DIS3L2: variants seen among roughly 807,000 people sequenced by gnomAD.
DIS3L2 encodes DIS3-like exonuclease 2.
DIS3L2 carries 34 observed loss-of-function variants against 97.5 expected under a neutral mutation model. That is an observed-to-expected ratio of 0.35 (90% CI 0.27 to 0.46). The LOEUF (loss-of-function observed/expected upper bound fraction) is 0.46, where lower values mean the gene tolerates loss of function less well. Ranked by LOEUF, DIS3L2 falls within the 20% of genes least tolerant of loss-of-function variation. The pLI is 1.00. For synonymous variants in DIS3L2, 435 were observed against 445.2 expected, an observed-to-expected ratio of 0.98 and a Z score of 0.29; for missense variants, 1,038 against 1,146.0, an observed-to-expected ratio of 0.91 and a Z score of 1.36.
chr2:232,026,131 A>G (rs1559551975), intron 4 of DIS3L2, among the ~76,000 whole-genome samples: 1 of 152,124 alleles, frequency 6.6e-6, no homozygotes, highest in Non-Finnish European at 1.5e-5. Context: ...TTAAATCCCT[A>G]TTGGGTTGGC....
intron 7 of DIS3L2, 136 bp downstream of exon 7, chr2:232,130,855 G>A: frequency 1.6e-6 from 2 of 1,230,560 alleles, no homozygotes. Flanking sequence ...CATAAAAAGT[G>A]AATTAAAAAA....
chr2:232,316,484 G>A (rs1575014221), intron 14 of DIS3L2, among the ~76,000 whole-genome samples: 1 of 152,086 alleles, frequency 6.6e-6, no homozygotes, highest in Non-Finnish European at 1.5e-5. Flanking sequence ...CGGAGAACCT[G>A]TAGCACCCTC....
At chr2:232,125,228 A>G (rs1263562214) in intron 6 of DIS3L2, among the ~76,000 whole-genome samples, 1 of 152,250 alleles carries the variant, frequency 6.6e-6, no homozygotes, top group East Asian at 1.9e-4. Flanking sequence ...ACTGCTTGCC[A>G]GCAGTCATGA....
intron 12 of DIS3L2, among the ~76,000 whole-genome samples, chr2:232,261,011 A>C (rs1437420414): frequency 2.0e-5 from 3 of 152,180 alleles, no homozygotes; most frequent in Non-Finnish European, 4.4e-5. Context: ...TCTACTCTTG[A>C]CTGGTGCTCC....
At chr2:232,299,623 T>C (rs1694807441) in intron 13 of DIS3L2, among the ~76,000 whole-genome samples, 1 of 143,908 alleles carries the variant, frequency 6.9e-6, no homozygotes, top group Admixed American at 7.3e-5. Context: ...AACATGGGGA[T>C]TTTTTTCTTG....
intron 13 of DIS3L2, chr2:232,343,294 A>G: frequency 2.0e-6 from 3 of 1,494,456 alleles, no homozygotes; most frequent in Non-Finnish European, 2.7e-6. Context: ...GCAAAGGCCT[A>G]GCCACATGAA....
rs1694151098 is a variant in DIS3L2 at position 232,276,707 on chromosome 2, G to A, written c.1659+13267G>A. On this transcript the variant is annotated intron_variant, in intron 13 of 20. Transcript: ENST00000325385. The surrounding 1 kb of genome is among the most constrained non-coding windows in gnomAD (Gnocchi z 4.4). ...TAGTGATCAAGAGCATGGACCCTGGGTCAGACTGCCTGGGTTCTGATCCCG... is the reference window on the plus strand; with the variant it reads ...TAGTGATCAAGAGCATGGACCCTGGATCAGACTGCCTGGGTTCTGATCCCG... 6.6e-6 allele frequency among the ~76,000 whole-genome samples: 1 copy of A among 152,198 alleles called. No homozygotes were observed. The highest frequency in any genetic ancestry group is 6.5e-5 in the Admixed American group (1 of 15,280).
intron 14 of DIS3L2, among the ~76,000 whole-genome samples, chr2:232,323,671 C>T (rs536373081): frequency 1.3e-5 from 2 of 152,296 alleles, no homozygotes; most frequent in African/African-American, 4.8e-5. Flanking sequence ...TTCATGGGAA[C>T]GTCCAATGCA....
chr2:232,007,366 TC>T (rs1447425110), intron 1 of DIS3L2, among the ~76,000 whole-genome samples: 2 of 152,144 alleles, frequency 1.3e-5, no homozygotes, highest in Admixed American at 6.5e-5. Context: ...GGTTGATACT[TC>T]CGCTCTCAGT....
intron 11 of DIS3L2, among the ~76,000 whole-genome samples, chr2:232,240,554 C>A (rs1693052501): frequency 6.6e-6 from 1 of 152,234 alleles, no homozygotes; most frequent in Non-Finnish European, 1.5e-5. Flanking sequence ...GTGTCCTCAT[C>A]TGAGCAGGGG....
At chr2:232,216,952 C>T (rs1692357303) in intron 10 of DIS3L2, among the ~76,000 whole-genome samples, 2 of 151,412 alleles carry the variant, frequency 1.3e-5, no homozygotes, top group Non-Finnish European at 1.5e-5. Context: ...AAGTGATTCT[C>T]CTTCCTCAGC....
Position 232,000,640 on chromosome 2 carries a change from TTCCTTTCCTTTCCTTTCCTTTCTCTTTC to T in DIS3L2, c.-93-14192_-93-14165del, listed in dbSNP as rs1449556617. On this transcript the variant is annotated intron_variant, in intron 1 of 20. Coordinates refer to ENST00000325385, the MANE Select transcript of DIS3L2 (RefSeq NM_152383.5). The stretch of plus-strand genomic sequence containing the variant: ...TTCCTTTCCTTTCCTTTCCTTTCCT[TTCCTTTCCTTTCCTTTCCTTTCTCTTTC>T]TCTCTTTCTCTCTTTCTGTCTTTCT... Among the ~76,000 whole-genome samples, 692 of 146,778 alleles carry T rather than the reference TTCCTTTCCTTTCCTTTCCTTTCTCTTTC, an allele frequency of 4.7e-3. 1 individual carries two copies. Among genetic ancestry groups the T allele is most frequent in the Non-Finnish European group, 7.2e-3 (487 of 67,258 alleles).
At chr2:231,977,306 A>C (rs1444184164) in intron 1 of DIS3L2, among the ~76,000 whole-genome samples, 1 of 152,190 alleles carries the variant, frequency 6.6e-6, no homozygotes, top group Non-Finnish European at 1.5e-5. Flanking sequence ...TAACATTTTC[A>C]TGCTGTAGCA....
intron 12 of DIS3L2, among the ~76,000 whole-genome samples, chr2:232,252,286 A>G (rs1162994432): frequency 2.0e-5 from 3 of 152,094 alleles, no homozygotes; most frequent in Non-Finnish European, 4.4e-5. Context: ...GCGGGCACCT[A>G]TAATCTCAGC....
chr2:232,031,017 C>T (rs906921853), intron 5 of DIS3L2, among the ~76,000 whole-genome samples: 3 of 152,108 alleles, frequency 2.0e-5, no homozygotes, highest in Non-Finnish European at 1.5e-5. Flanking sequence ...ATTTGAATCT[C>T]ATCTCTGCCA....
intron 16 of DIS3L2, among the ~76,000 whole-genome samples, chr2:232,333,461 C>T (rs1430048527): frequency 3.3e-5 from 5 of 152,184 alleles, no homozygotes; most frequent in Admixed American, 2.6e-4. Flanking sequence ...GACTGGACTT[C>T]GGAGGCTCAG....
intron 13 of DIS3L2, among the ~76,000 whole-genome samples, chr2:232,267,337 A>G (rs1024309146): frequency 6.6e-6 from 1 of 152,252 alleles, no homozygotes; most frequent in African/African-American, 2.4e-5. Context: ...CCTACAGTTC[A>G]ACCTAGTTCT....
chr2:232,262,166 G>A (rs890010932), intron 12 of DIS3L2, among the ~76,000 whole-genome samples: 2 of 151,994 alleles, frequency 1.3e-5, no homozygotes, highest in Admixed American at 1.3e-4. Context: ...ACATGAAGGA[G>A]GTGTTAGGCC....
intron 6 of DIS3L2, among the ~76,000 whole-genome samples, chr2:232,104,229 A>G (rs1013448246): frequency 6.6e-6 from 1 of 152,170 alleles, no homozygotes; most frequent in African/African-American, 2.4e-5. Context: ...TTACTGTCAA[A>G]TTAATTCCTT....
Sources: allele counts gnomAD v4.1 joint callset (sites outside exome capture counted in the v4.1 genomes callset), GRCh38; gene constraint gnomAD v4.1.1; non-coding constraint Gnocchi (gnomAD v3.1); transcripts MANE v1.5; gene names NCBI Gene and HGNC (gene_info 2026-07-23, HGNC 2026-07-21).